Variants in SEPTIN10 observed in about 807,000 individuals in gnomAD.
SEPTIN10 encodes the protein septin-10.
SEPTIN10 carries 66 observed loss-of-function variants against 54.8 expected under a neutral mutation model. The ratio of observed to expected loss-of-function variants is 1.21; its 90% CI spans 0.99 to 1.48. The LOEUF is 1.48. Ranked by LOEUF, SEPTIN10 falls within the 40% of genes most tolerant of loss-of-function variation. The pLI, the probability that SEPTIN10 is intolerant of heterozygous loss-of-function variation, is 0.00. For synonymous variants in SEPTIN10, 161 were observed against 181.0 expected (o/e 0.89, Z 0.89); for missense variants, 620 against 545.6 (o/e 1.14, Z -1.36).
intron 4 of SEPTIN10, among the ~76,000 whole-genome samples, chr2:109,578,083 G>A (rs755570209): frequency 3.3e-5 from 5 of 152,002 alleles, no homozygotes; most frequent in Admixed American, 6.6e-5. Flanking sequence ...TAATGTGTAA[G>A]AGAACCACTA....
chr2:109,580,300 C>T (rs1249491140), intron 4 of SEPTIN10, among the ~76,000 whole-genome samples: 1 of 149,204 alleles, frequency 6.7e-6, no homozygotes, highest in Non-Finnish European at 1.5e-5. Context: ...TACTCTAACT[C>T]ACCTTACTAA....
At chr2:109,606,113 G>A (rs778971894) in intron 1 of SEPTIN10, among the ~76,000 whole-genome samples, 1 of 152,216 alleles carries the variant, frequency 6.6e-6, no homozygotes, top group Non-Finnish European at 1.5e-5. Context: ...CATGGGCTGG[G>A]AGAATAAAAT....
At chr2:109,591,573 A>G (rs1694076986) in intron 2 of SEPTIN10, among the ~76,000 whole-genome samples, 1 of 152,202 alleles carries the variant, frequency 6.6e-6, no homozygotes. Context: ...CAGTTATTGG[A>G]GCACAGAACT....
intron 4 of SEPTIN10, among the ~76,000 whole-genome samples, chr2:109,579,892 G>C (rs141653261): frequency 6.6e-6 from 1 of 151,802 alleles, no homozygotes; most frequent in East Asian, 2.0e-4. Context: ...AAGCTAAGGC[G>C]TGTGGATCAC....
At chr2:109,569,990 TAAGTG>T (rs1182342909) in intron 5 of SEPTIN10, among the ~76,000 whole-genome samples, 2 of 151,836 alleles carry the variant, frequency 1.3e-5, no homozygotes, top group African/African-American at 4.8e-5. Context: ...TGCCCTTGTG[TAAGTG>T]AAAATTTCCC....
chr2:109,562,772 T>G (rs1440791874), intron 8 of SEPTIN10, among the ~76,000 whole-genome samples: 1 of 152,084 alleles, frequency 6.6e-6, no homozygotes, highest in Non-Finnish European at 1.5e-5. Context: ...TGAGAAACAC[T>G]AGGGAAGCTA....
chr2:109,592,711 C>G (rs1246397680), intron 2 of SEPTIN10, among the ~76,000 whole-genome samples: 1 of 150,032 alleles, frequency 6.7e-6, no homozygotes, highest in African/African-American at 2.5e-5. Context: ...ACCCGGGAGG[C>G]AGAGGTTGCA....
At chr2:109,590,097 CATAT>C (rs1162444721) in intron 2 of SEPTIN10, among the ~76,000 whole-genome samples, 1 of 146,354 alleles carries the variant, frequency 6.8e-6, no homozygotes, top group Non-Finnish European at 1.5e-5. Context: ...TATATACACA[CATAT>C]ATATGTATGT....
rs546538985 is a variant in SEPTIN10 at position 109,578,314 on chromosome 2, A to T, written c.414-3547T>A. On this transcript the variant is annotated intron_variant, in intron 4 of 10. Coordinates refer to ENST00000397712, the MANE Select transcript of SEPTIN10 (RefSeq NM_144710.5). ...CATGTCTAAAGCACAAGGGCACAGA[A>T]AGGTTGAAAGTAAAGGGACTGAAAA... 3.3e-5 allele frequency among the ~76,000 whole-genome samples: 5 copies of T among 152,238 alleles called. No homozygotes were observed. In the South Asian group the frequency reaches 8.3e-4, roughly 25 times the overall value.
At chr2:109,578,097 G>A (rs1690158178) in intron 4 of SEPTIN10, among the ~76,000 whole-genome samples, 1 of 151,956 alleles carries the variant, frequency 6.6e-6, no homozygotes, top group African/African-American at 2.4e-5. Context: ...ACCACTATAA[G>A]CATAGAAATC....
rs1308788425 is a variant in SEPTIN10 at position 109,549,797 on chromosome 2, TTAA to T, written c.1161+3287_1161+3289del. Among the ~76,000 whole-genome samples, 4 of 152,134 alleles carry T rather than the reference TTAA, an allele frequency of 2.6e-5. No individual in the cohort carries two copies. In the East Asian group the frequency reaches 7.7e-4, roughly 29 times the overall value. On this transcript the variant is annotated intron_variant, in intron 9 of 10. Coordinates refer to ENST00000397712, the MANE Select transcript of SEPTIN10 (RefSeq NM_144710.5). ...ACAGTGTTGAGACTAACAATAATAA[TTAA>T]TAATAAAATAGAACAATTATAACAA...
In SEPTIN10 at chr2:109,604,545, G is replaced by T. The variant is rs937439407; in HGVS notation, c.30+9253C>A. Among the ~76,000 whole-genome samples, 13 of 151,918 alleles carry T rather than the reference G, an allele frequency of 8.6e-5. No homozygotes were observed. In the South Asian group the frequency reaches 1.2e-3, roughly 15 times the overall value. On this transcript the variant is annotated intron_variant, in intron 1 of 10. Transcript: ENST00000397712. Reference sequence around the variant, plus strand: ...GATCGAGACCATCCTGGCTAACATGGTGAAACCCTGTCTCCAGTAAAAATA... The same window carrying T: ...GATCGAGACCATCCTGGCTAACATGTTGAAACCCTGTCTCCAGTAAAAATA...
intron 1 of SEPTIN10, among the ~76,000 whole-genome samples, chr2:109,604,410 GAAAGAAAGAAA>G (rs1260481862): frequency 7.2e-6 from 1 of 138,178 alleles, no homozygotes; most frequent in Non-Finnish European, 1.6e-5. Context: ...GGGGAGAAAA[GAAAGAAAGAAA>G]AAAGAAAGAA....
rs568834977 is a variant in SEPTIN10, at chr2:109,601,875, T to G, written c.31-8756A>C. Among the ~76,000 whole-genome samples the G allele has an allele frequency of 3.9e-5, 6 of 152,290 alleles. 1 individual carries two copies. Among genetic ancestry groups the G allele is most frequent in the African/African-American group, 1.4e-4 (6 of 41,550 alleles). On this transcript the variant is annotated intron_variant, in intron 1 of 10. Coordinates refer to ENST00000397712, the MANE Select transcript of SEPTIN10 (RefSeq NM_144710.5). Reference sequence around the variant, plus strand: ...TGTATGAGTCAAGGAAATATGACTTTTTCCCAATGTTGTTAGCCTACCGCA... The same window carrying G: ...TGTATGAGTCAAGGAAATATGACTTGTTCCCAATGTTGTTAGCCTACCGCA...
At chr2:109,592,378 T>C (rs778503910) in intron 2 of SEPTIN10, among the ~76,000 whole-genome samples, 1 of 151,978 alleles carries the variant, frequency 6.6e-6, no homozygotes, top group Non-Finnish European at 1.5e-5. Flanking sequence ...GGCATGAGAA[T>C]TGCTTGAACC....
chr2:109,598,806 G>A (rs1695899158), intron 1 of SEPTIN10, among the ~76,000 whole-genome samples: 1 of 152,202 alleles, frequency 6.6e-6, no homozygotes, highest in Admixed American at 6.5e-5. Flanking sequence ...CTTGAACCAG[G>A]GAGGCGGAGG....
chr2:109,579,974 A>C (rs566259609), intron 4 of SEPTIN10, among the ~76,000 whole-genome samples: 2 of 151,772 alleles, frequency 1.3e-5, no homozygotes, highest in African/African-American at 4.8e-5. Flanking sequence ...TACAAAAATT[A>C]GCTGGGCGTG....
chr2:109,553,304 G>A, intron 8 of SEPTIN10, 85 bp from the exon 9 acceptor site: 1 of 1,427,796 alleles, frequency 7.0e-7, no homozygotes, highest in East Asian at 2.3e-5. Flanking sequence ...CAACACTTTG[G>A]GAGGCCGAGG....
At chr2:109,574,430 G>T in intron 5 of SEPTIN10, 151 bp downstream of exon 5, 1 of 424,660 alleles carries the variant, frequency 2.4e-6, no homozygotes, top group Non-Finnish European at 3.5e-6. Context: ...GGGTGACAGA[G>T]TGACTTTATC....
Sources: gnomAD v4.1 joint callset for allele counts (sites outside exome capture counted in the v4.1 genomes callset) on GRCh38, gnomAD v4.1.1 for gene constraint, MANE v1.5 for transcripts, NCBI Gene and HGNC (gene_info 2026-07-23, HGNC 2026-07-21) for gene names.